Variants in STAT5B observed in about 807,000 individuals in gnomAD.
STAT5B encodes the protein signal transducer and activator of transcription 5B.
A neutral mutation model predicts 107.8 loss-of-function variants in STAT5B; 21 were observed. That is an observed-to-expected ratio of 0.19 (90% confidence interval 0.14 to 0.28). The LOEUF is 0.28. Among genes scored for constraint, STAT5B ranks in the 10% least tolerant of loss-of-function variants. STAT5B has a pLI of 1.00. For missense variants in STAT5B, 565 were observed against 1,008.2 expected, an observed-to-expected ratio of 0.56 and a Z score of 5.95; for synonymous variants, 325 against 401.7, an observed-to-expected ratio of 0.81 and a Z score of 2.28.
At chr17:42,274,651 A>C (rs2080750352) in intron 1 of STAT5B, among the ~76,000 whole-genome samples, 2 of 152,206 alleles carry the variant, frequency 1.3e-5, no homozygotes, top group African/African-American at 4.8e-5. Context: ...CAATATTTAC[A>C]GTGTTACAAA....
At chr17:42,206,936 G>A (rs947525077) in intron 16 of STAT5B, among the ~76,000 whole-genome samples, 13 of 150,882 alleles carry the variant, frequency 8.6e-5, no homozygotes, top group African/African-American at 2.9e-4. Flanking sequence ...GAGTGTGGTG[G>A]CGTGGTCTCA....
chr17:42,255,007 C>G (rs1263185333), intron 1 of STAT5B, among the ~76,000 whole-genome samples: 1 of 152,118 alleles, frequency 6.6e-6, no homozygotes, highest in Non-Finnish European at 1.5e-5. Context: ...AGGAGAACCA[C>G]TTGAACCCAG....
intron 1 of STAT5B, among the ~76,000 whole-genome samples, chr17:42,256,716 G>T (rs2080547903): frequency 6.6e-6 from 1 of 151,810 alleles, no homozygotes; most frequent in Non-Finnish European, 1.5e-5. Context: ...CAAAAAATTA[G>T]CCGGGTGTGG....
chr17:42,206,951 A>G (rs2080090462), intron 16 of STAT5B, among the ~76,000 whole-genome samples: 1 of 147,580 alleles, frequency 6.8e-6, no homozygotes, highest in South Asian at 2.1e-4. Flanking sequence ...GTCTCAGCTC[A>G]CTGCAATCTC....
At chr17:42,283,695 C>T in the STAT5B span, among the ~76,000 whole-genome samples, 1 of 152,358 alleles carries the variant, frequency 6.6e-6, no homozygotes, top group Admixed American at 6.5e-5. Context: ...GCTCCGGCAG[C>T]TCCTTCCCTT....
chr17:42,284,473 G>A, the STAT5B span, among the ~76,000 whole-genome samples: 1 of 152,054 alleles, frequency 6.6e-6, no homozygotes. Flanking sequence ...CACCATATTG[G>A]CCAGGCTGAT....
intron 1 of STAT5B, among the ~76,000 whole-genome samples, chr17:42,240,140 T>C (rs770436863): frequency 7.2e-5 from 11 of 152,062 alleles, no homozygotes; most frequent in South Asian, 2.1e-4. Flanking sequence ...CAAGACTCTG[T>C]CTCAAAAACA....
chr17:42,223,258 G>T, intron 5 of STAT5B, 124 bp downstream of exon 5: 1 of 1,409,084 alleles, frequency 7.1e-7, no homozygotes, highest in Non-Finnish European at 9.8e-7. Context: ...ATAAGTCCCT[G>T]CTACTCAGAG....
the STAT5B span, among the ~76,000 whole-genome samples, chr17:42,282,635 G>A: frequency 3.3e-5 from 5 of 152,110 alleles, no homozygotes; most frequent in Non-Finnish European, 7.4e-5. Context: ...CCACCGCACC[G>A]GGCCTGTGAC....
chr17:42,218,740 G>A lies in STAT5B; in HGVS notation c.972C>T (p.Ile324=). 1 of 1,612,772 alleles carries A rather than the reference G, an allele frequency of 6.2e-7. No homozygotes were observed. Among genetic ancestry groups the A allele is most frequent in the Non-Finnish European group, 8.5e-7 (1 of 1,179,392 alleles). Reference sequence around the variant, plus strand: ...GCAGTCACCTGGTCACCAGGGCTGAGATAATGTCCGTGATGGTGGCGTTGA... The same window carrying A: ...GCAGTCACCTGGTCACCAGGGCTGAAATAATGTCCGTGATGGTGGCGTTGA... ...AEVNATITDI[I]SALVTSTFII... The change falls in exon 8 of 19, where the codon ATC becomes ATT. Residue 324 remains isoleucine, a synonymous_variant. Coordinates refer to ENST00000293328, the MANE Select transcript of STAT5B (RefSeq NM_012448.4).
chr17:42,275,791 C>T (rs2080759965), intron 1 of STAT5B, among the ~76,000 whole-genome samples: 1 of 152,044 alleles, frequency 6.6e-6, no homozygotes, highest in African/African-American at 2.4e-5. Context: ...CCAGGCACCC[C>T]CGCAGGCTCA....
intron 15 of STAT5B, among the ~76,000 whole-genome samples, chr17:42,208,558 A>C (rs1403144468): frequency 6.6e-6 from 1 of 152,044 alleles, no homozygotes; most frequent in Non-Finnish European, 1.5e-5. Flanking sequence ...TAATACAAAA[A>C]TCACTTCCCA....
At chr17:42,231,202 TG>T (rs2080314656) in intron 2 of STAT5B, among the ~76,000 whole-genome samples, 1 of 152,176 alleles carries the variant, frequency 6.6e-6, no homozygotes, top group Non-Finnish European at 1.5e-5. Context: ...CATAGGATCT[TG>T]CTATGTTGCC....
chr17:42,239,963 T>G (rs1567668504), intron 1 of STAT5B, among the ~76,000 whole-genome samples: 1 of 152,012 alleles, frequency 6.6e-6, no homozygotes, highest in East Asian at 1.9e-4. Flanking sequence ...CCATCTCTAC[T>G]AAAAATTAAA....
chr17:42,242,592 T>C (rs1157133547), intron 1 of STAT5B, among the ~76,000 whole-genome samples: 1 of 150,142 alleles, frequency 6.7e-6, no homozygotes, highest in Non-Finnish European at 1.5e-5. Flanking sequence ...CTCTAATCAA[T>C]GATCCCACCC....
At chr17:42,269,192 GCCT>G (rs1402697207) in intron 1 of STAT5B, among the ~76,000 whole-genome samples, 1 of 152,098 alleles carries the variant, frequency 6.6e-6, no homozygotes, top group Non-Finnish European at 1.5e-5. Flanking sequence ...TTCTGCCTCA[GCCT>G]CCTGAGTAGC....
At chr17:42,229,936 T>C (rs894154042) in intron 2 of STAT5B, among the ~76,000 whole-genome samples, 3 of 152,166 alleles carry the variant, frequency 2.0e-5, no homozygotes, top group Non-Finnish European at 4.4e-5. Flanking sequence ...CTAAAAAATT[T>C]CAAGTTTTCC....
intron 1 of STAT5B, among the ~76,000 whole-genome samples, chr17:42,255,353 T>A (rs1001023173): frequency 6.6e-6 from 1 of 152,194 alleles, no homozygotes; most frequent in Non-Finnish European, 1.5e-5. Flanking sequence ...GGCATACAGA[T>A]GAGGAATCAC....
intron 1 of STAT5B, among the ~76,000 whole-genome samples, chr17:42,249,420 G>A (rs1453489889): frequency 1.3e-5 from 2 of 151,858 alleles, no homozygotes; most frequent in Non-Finnish European, 2.9e-5. Context: ...AAAGAAGATG[G>A]TATTTTAGAG....
Sources: allele counts gnomAD v4.1 joint callset (sites outside exome capture counted in the v4.1 genomes callset), GRCh38; gene constraint gnomAD v4.1.1; transcripts MANE v1.5; gene names NCBI Gene and HGNC (gene_info 2026-07-23, HGNC 2026-07-21).